The following LRMDA variants were observed in gnomAD, a reference collection of about 807,000 sequenced individuals.
The protein encoded by LRMDA is leucine-rich melanocyte differentiation-associated protein.
A neutral mutation model predicts 29.8 loss-of-function variants in LRMDA; 18 were observed. The ratio of observed to expected loss-of-function variants is 0.60; its 90% CI spans 0.42 to 0.90. The LOEUF is 0.90. Among genes scored for constraint, LRMDA ranks in the 40% least tolerant of loss-of-function variants. The pLI, the probability that LRMDA is intolerant of heterozygous loss-of-function variation, is 0.00. For missense variants in LRMDA, 273 were observed against 273.9 expected, an observed-to-expected ratio of 1.00 and a Z score of 0.02; for synonymous variants, 125 against 109.4, an observed-to-expected ratio of 1.14 and a Z score of -0.89.
At chr10:75,576,482 A>G (rs1447332655) in intron 2 of LRMDA, among the ~76,000 whole-genome samples, 2 of 152,358 alleles carry the variant, frequency 1.3e-5, no homozygotes, top group African/African-American at 4.8e-5. Context: ...GCAGCTCTGA[A>G]GAGAGCAGCA....
At chr10:75,543,238 G>C in intron 2 of LRMDA, among the ~76,000 whole-genome samples, 1 of 152,116 alleles carries the variant, frequency 6.6e-6, no homozygotes, top group Middle Eastern at 3.2e-3. Context: ...TGAGGCCATG[G>C]GTCCCTCCCA....
At chr10:75,957,877 TA>T (rs1241688328) in intron 2 of LRMDA, among the ~76,000 whole-genome samples, 3 of 152,146 alleles carry the variant, frequency 2.0e-5, no homozygotes, top group Non-Finnish European at 4.4e-5. Context: ...GCAGTATATG[TA>T]ATAAATAGCT....
chr10:75,452,449 A>AT (rs535330199), intron 2 of LRMDA, among the ~76,000 whole-genome samples: 10 of 150,032 alleles, frequency 6.7e-5, no homozygotes, highest in South Asian at 4.2e-4. Flanking sequence ...TTAGAACAGG[A>AT]TTTTTTTTTC....
At chr10:76,272,728 G>T (rs994739480) in intron 5 of LRMDA, among the ~76,000 whole-genome samples, 4 of 152,102 alleles carry the variant, frequency 2.6e-5, no homozygotes, top group Non-Finnish European at 4.4e-5. Flanking sequence ...ATAAAGAAAG[G>T]AGGTTTAATT....
chr10:76,008,891 G>A (rs1282522312), intron 2 of LRMDA, among the ~76,000 whole-genome samples: 1 of 152,220 alleles, frequency 6.6e-6, no homozygotes. Flanking sequence ...AAACTTTTAA[G>A]TGGAAGAGAT....
intron 6 of LRMDA, among the ~76,000 whole-genome samples, chr10:76,392,525 A>C (rs929941510): frequency 6.6e-6 from 1 of 152,030 alleles, no homozygotes. Flanking sequence ...AGCATCCCAG[A>C]TCTGAAAATC....
intron 6 of LRMDA, among the ~76,000 whole-genome samples, chr10:76,381,021 C>CTTTTTTTT (rs538112084): frequency 1.0e-5 from 1 of 96,914 alleles, no homozygotes; most frequent in African/African-American, 3.5e-5. Flanking sequence ...TTTATCTTTG[C>CTTTTTTTT]TTTTTTTTTT....
chr10:76,420,277 T>C (rs780028075), intron 6 of LRMDA, among the ~76,000 whole-genome samples: 94 of 152,166 alleles, frequency 6.2e-4, no homozygotes, highest in Non-Finnish European at 1.2e-3. Context: ...CCTGTTTTGT[T>C]GTATTTTTAA....
At chr10:75,944,272 G>T (rs531893094) in intron 2 of LRMDA, among the ~76,000 whole-genome samples, 3 of 152,172 alleles carry the variant, frequency 2.0e-5, no homozygotes, top group African/African-American at 7.2e-5. Context: ...GAAGTCAATT[G>T]TCACTATTTA....
At chr10:76,347,813 T>G (rs1397681852) in intron 6 of LRMDA, among the ~76,000 whole-genome samples, 1 of 152,192 alleles carries the variant, frequency 6.6e-6, no homozygotes, top group African/African-American at 2.4e-5. Flanking sequence ...AAGAAAAATC[T>G]CTAATAAATA....
rs377647787 is a variant in LRMDA at position 75,828,294 on chromosome 10, T to C, written c.132-207714T>C. Among the ~76,000 whole-genome samples the C allele has an allele frequency of 9.9e-4, 151 of 152,016 alleles. 3 individuals carry two copies. In the South Asian group the frequency reaches 0.029, roughly 29 times the overall value. On this transcript the variant is annotated intron_variant, in intron 2 of 6. Transcript: ENST00000611255. Reference sequence around the variant, plus strand: ...TAAATATTATCATTTTCTTAAGGAGTTGTTGGTAGGTGAAAAGAAAGTTCA... The same window carrying C: ...TAAATATTATCATTTTCTTAAGGAGCTGTTGGTAGGTGAAAAGAAAGTTCA...
At chr10:76,078,940 A>G (rs1485163496) in intron 5 of LRMDA, among the ~76,000 whole-genome samples, 4 of 152,196 alleles carry the variant, frequency 2.6e-5, no homozygotes, top group African/African-American at 4.8e-5. Flanking sequence ...ACCAAGCCTC[A>G]GTTTTTCCAT....
chr10:76,168,173 A>T (rs372460275), intron 5 of LRMDA, among the ~76,000 whole-genome samples: 2 of 152,174 alleles, frequency 1.3e-5, no homozygotes, highest in Admixed American at 6.6e-5. Flanking sequence ...CTCCTCTTCC[A>T]TAGAACTTTT....
intron 2 of LRMDA, among the ~76,000 whole-genome samples, chr10:75,803,942 C>G (rs1843800838): frequency 6.6e-6 from 1 of 152,210 alleles, no homozygotes; most frequent in African/African-American, 2.4e-5. Context: ...ATTCGCTGCT[C>G]CTGTCACGTC....
intron 2 of LRMDA, among the ~76,000 whole-genome samples, chr10:75,807,332 G>C (rs905829823): frequency 1.3e-5 from 2 of 152,214 alleles, no homozygotes; most frequent in African/African-American, 4.8e-5. Context: ...CAGAGAATCA[G>C]ACAGGGCATG....
Position 75,558,064 on chromosome 10 carries a change from A to C in LRMDA, c.131+119570A>C, listed in dbSNP as rs138087489. On this transcript the variant is annotated intron_variant, in intron 2 of 6. Transcript: ENST00000611255. ...TGCACTGCTTCATCGGACAAACAAC[A>C]CTCATGCCCCCTTACCCTCCTCCAG... Among the ~76,000 whole-genome samples, 63 of 151,868 alleles carry C rather than the reference A, an allele frequency of 4.1e-4. No individual in the cohort carries two copies. In the East Asian group the frequency reaches 0.011, roughly 28 times the overall value.
intron 2 of LRMDA, among the ~76,000 whole-genome samples, chr10:75,795,536 G>T (rs1036657485): frequency 2.6e-5 from 4 of 152,166 alleles, no homozygotes; most frequent in Non-Finnish European, 4.4e-5. Context: ...TCAAAAATCA[G>T]TTGGCCATGA....
At chr10:75,440,761 C>T (rs944902246) in intron 2 of LRMDA, among the ~76,000 whole-genome samples, 2 of 152,128 alleles carry the variant, frequency 1.3e-5, no homozygotes, top group Non-Finnish European at 2.9e-5. Flanking sequence ...AGAGGCCGGA[C>T]GTGGTGGCTC....
intron 6 of LRMDA, among the ~76,000 whole-genome samples, chr10:76,553,152 G>A (rs1317474168): frequency 6.6e-6 from 1 of 152,204 alleles, no homozygotes; most frequent in Non-Finnish European, 1.5e-5. Flanking sequence ...AGGGGATGTT[G>A]CCCTGTCATT....
Sources: allele counts gnomAD v4.1 joint callset (sites outside exome capture counted in the v4.1 genomes callset), GRCh38; gene constraint gnomAD v4.1.1; transcripts MANE v1.5; gene names NCBI Gene and HGNC (gene_info 2026-07-23, HGNC 2026-07-21).